GRIN2A: variants seen among roughly 807,000 people sequenced by gnomAD.
The protein encoded by GRIN2A is glutamate ionotropic receptor NMDA type subunit 2A.
GRIN2A carries 22 observed loss-of-function variants against 113.4 expected under a neutral mutation model. That is an observed-to-expected ratio of 0.19 (90% CI 0.14 to 0.28). The LOEUF is 0.28. Among genes scored for constraint, GRIN2A ranks in the 10% least tolerant of loss-of-function variants. The pLI, the probability that GRIN2A is intolerant of heterozygous loss-of-function variation, is 1.00. For synonymous variants in GRIN2A, 827 were observed against 738.4 expected (o/e 1.12, Z -1.94); for missense variants, 1,502 against 1,887.0 (o/e 0.80, Z 3.78).
At chr16:9,780,087 C>A (rs1901853564) in intron 11 of GRIN2A, among the ~76,000 whole-genome samples, 1 of 152,216 alleles carries the variant, frequency 6.6e-6, no homozygotes, top group African/African-American at 2.4e-5. Flanking sequence ...AGTTCTGTTG[C>A]ACAAGCCAGC....
At chr16:10,131,637 T>C (rs1596538289) in intron 2 of GRIN2A, among the ~76,000 whole-genome samples, 2 of 152,240 alleles carry the variant, frequency 1.3e-5, no homozygotes, top group South Asian at 4.2e-4. Flanking sequence ...GGGCGTCTGT[T>C]TCAGCCAAGA....
At chr16:10,050,578 C>T (rs1034062652) in intron 2 of GRIN2A, among the ~76,000 whole-genome samples, 39 of 151,750 alleles carry the variant, frequency 2.6e-4, no homozygotes, top group Admixed American at 1.5e-3. Flanking sequence ...CCAGATGGGA[C>T]CATCTAGTTG....
chr16:10,113,394 C>G (rs557001965), intron 2 of GRIN2A, among the ~76,000 whole-genome samples: 138 of 152,338 alleles, frequency 9.1e-4, no homozygotes, highest in African/African-American at 3.0e-3. Flanking sequence ...TGGGTCCTGG[C>G]TCCTTAGGCC....
intron 4 of GRIN2A, among the ~76,000 whole-genome samples, chr16:9,868,480 T>G (rs1425716220): frequency 6.6e-6 from 1 of 152,160 alleles, no homozygotes; most frequent in Non-Finnish European, 1.5e-5. Context: ...TTAGCCACAC[T>G]GGCCTCAAAC....
rs539369090 is a variant in GRIN2A, at chr16:9,854,213, G to A, written c.1123-4252C>T. ...TGTGTCCATATGTGCCTCAGCTTTG[G>A]AATCTTGTACCCTAGGCAAAATATG... On this transcript the variant is annotated intron_variant, in intron 4 of 12. Transcript: ENST00000330684. 1.1e-4 allele frequency among the ~76,000 whole-genome samples: 16 copies of A among 152,148 alleles called. No individual in the cohort carries two copies. In the East Asian group the frequency reaches 3.1e-3, roughly 29 times the overall value.
At chr16:10,089,009 T>G (rs1284932938) in intron 2 of GRIN2A, among the ~76,000 whole-genome samples, 1 of 152,226 alleles carries the variant, frequency 6.6e-6, no homozygotes, top group Non-Finnish European at 1.5e-5. Flanking sequence ...ATGTCTCTCC[T>G]CATGCCTCAG....
chr16:9,840,571 G>T (rs2042655708), intron 7 of GRIN2A, 76 bp downstream of exon 7: 6 of 1,339,490 alleles, frequency 4.5e-6, no homozygotes, highest in Non-Finnish European at 6.4e-6. Context: ...GTTCCTTTCT[G>T]GTCCCATCCT....
At chr16:10,093,543 C>T (rs1007334477) in intron 2 of GRIN2A, among the ~76,000 whole-genome samples, 5 of 151,836 alleles carry the variant, frequency 3.3e-5, no homozygotes, top group African/African-American at 1.2e-4. Context: ...CAGGTGGCAT[C>T]GATCAGCTTT....
At chr16:10,069,892 T>C (rs969347190) in intron 2 of GRIN2A, among the ~76,000 whole-genome samples, 1 of 152,088 alleles carries the variant, frequency 6.6e-6, no homozygotes, top group African/African-American at 2.4e-5. Context: ...GTGAGTGCAA[T>C]TACTAAAGAG....
Position 9,962,486 on chromosome 16 carries a change from T to A in GRIN2A, c.415-23935A>T, listed in dbSNP as rs530958322. On this transcript the variant is annotated intron_variant, in intron 2 of 12. Transcript: ENST00000330684. The stretch of plus-strand genomic sequence containing the variant: ...CAGACACTTCTCAAAACAAGACATT[T>A]ATGCAGCCAAAAAACACATGAAAAA... 2.8e-3 allele frequency among the ~76,000 whole-genome samples: 423 copies of A among 152,156 alleles called. 2 individuals are homozygous for A. The highest frequency in any genetic ancestry group is 9.6e-3 in the African/African-American group (397 of 41,500).
chr16:9,944,152 C>T (rs948755783), intron 2 of GRIN2A, among the ~76,000 whole-genome samples: 3 of 152,152 alleles, frequency 2.0e-5, no homozygotes, highest in African/African-American at 7.2e-5. Flanking sequence ...AACTCAGCAA[C>T]GATCCAGAGA....
At chr16:10,161,001 T>C (rs2049798801) in intron 2 of GRIN2A, among the ~76,000 whole-genome samples, 1 of 152,176 alleles carries the variant, frequency 6.6e-6, no homozygotes, top group African/African-American at 2.4e-5. Flanking sequence ...AGAGCACAAA[T>C]ACAGTAGAAC....
At chr16:9,978,262 C>A (rs367995844) in intron 2 of GRIN2A, among the ~76,000 whole-genome samples, 27 of 152,188 alleles carry the variant, frequency 1.8e-4, no homozygotes, top group African/African-American at 6.5e-4. Flanking sequence ...CACGGAGAAG[C>A]TATGTGACTC....
chr16:10,082,948 T>TC, intron 2 of GRIN2A, among the ~76,000 whole-genome samples: 1 of 152,212 alleles, frequency 6.6e-6, no homozygotes. Flanking sequence ...TGTCATTCTT[T>TC]TTTAAAATTA....
At chr16:10,134,207 AAAAAAAAAAAT>A in intron 2 of GRIN2A, among the ~76,000 whole-genome samples, 1 of 126,494 alleles carries the variant, frequency 7.9e-6, no homozygotes, top group Non-Finnish European at 1.7e-5. Flanking sequence ...AAAAAAAAAA[AAAAAAAAAAAT>A]GGAGAGGAGA....
intron 2 of GRIN2A, among the ~76,000 whole-genome samples, chr16:10,002,520 A>C (rs1192628689): frequency 6.6e-6 from 1 of 152,196 alleles, no homozygotes; most frequent in East Asian, 1.9e-4. Flanking sequence ...CAGTGTAGTC[A>C]TCTATAGGTA....
chr16:9,828,851 A>T (rs890534886), intron 9 of GRIN2A, among the ~76,000 whole-genome samples: 1 of 152,204 alleles, frequency 6.6e-6, no homozygotes, highest in Admixed American at 6.5e-5. Flanking sequence ...ACAGAAAGAA[A>T]GAAAGAAAAA....
chr16:10,119,232 A>G (rs186382016), intron 2 of GRIN2A, among the ~76,000 whole-genome samples: 208 of 152,344 alleles, frequency 1.4e-3, no homozygotes, highest in African/African-American at 4.9e-3. Context: ...AGGAGGAGGA[A>G]GATGGAGAAA....
At chr16:9,969,918 A>G (rs1418379759) in intron 2 of GRIN2A, among the ~76,000 whole-genome samples, 1 of 152,248 alleles carries the variant, frequency 6.6e-6, no homozygotes. Flanking sequence ...ACTCACAGGC[A>G]CGCCTACTCC....
Sources: allele counts gnomAD v4.1 joint callset (sites outside exome capture counted in the v4.1 genomes callset), GRCh38; gene constraint gnomAD v4.1.1; transcripts MANE v1.5; gene names NCBI Gene and HGNC (gene_info 2026-07-23, HGNC 2026-07-21).